The following CHRM3 variants were observed in gnomAD, a reference collection of about 807,000 sequenced individuals.
CHRM3 encodes cholinergic receptor muscarinic 3.
CHRM3 carries 11 observed loss-of-function variants against 41.8 expected under a neutral mutation model. That is an observed-to-expected ratio of 0.26 (90% confidence interval 0.17 to 0.44). The LOEUF (loss-of-function observed/expected upper bound fraction) is 0.44. Ranked by LOEUF, CHRM3 falls within the 20% of genes least tolerant of loss-of-function variation. The pLI is 1.00. For missense variants in CHRM3, 571 were observed against 745.4 expected, an observed-to-expected ratio of 0.77 and a Z score of 2.72; for synonymous variants, 297 against 301.4, an observed-to-expected ratio of 0.99 and a Z score of 0.15.
intron 6 of CHRM3, among the ~76,000 whole-genome samples, chr1:239,880,234 A>G (rs1677474831): frequency 6.6e-6 from 1 of 152,182 alleles, no homozygotes; most frequent in Admixed American, 6.5e-5. Flanking sequence ...TGTTTACAAA[A>G]TGGAATTATT....
At chr1:239,701,679 T>C (rs1247003075) in intron 5 of CHRM3, among the ~76,000 whole-genome samples, 1 of 152,196 alleles carries the variant, frequency 6.6e-6, no homozygotes, top group Non-Finnish European at 1.5e-5. Flanking sequence ...TCCTGATCTT[T>C]TAATAGACTC....
chr1:239,814,382 C>T (rs1215223988), intron 5 of CHRM3, among the ~76,000 whole-genome samples: 1 of 152,082 alleles, frequency 6.6e-6, no homozygotes, highest in African/African-American at 2.4e-5. Flanking sequence ...CTTAGTCACA[C>T]GTAAGAGAAA....
chr1:239,386,655 C>A lies in CHRM3; in HGVS notation c.-1093C>A. 1 of 153,872 alleles carries A rather than the reference C, an allele frequency of 6.5e-6. No homozygotes were observed. The allele number at this position is 153,872 out of a possible 1,614,324, so 9.5% of individuals were successfully genotyped here. A position where few individuals can be genotyped will look rare whatever the true frequency, so the allele number is the denominator to read the frequency against. On this transcript the variant is annotated 5_prime_UTR_variant, in exon 1 of 7. Transcript: ENST00000676153. ...AGGAGCGGCCAGCAGTAGCCACGAC[C>A]GCCACCACCAGGCAGAGGAAGAGTT...
intron 5 of CHRM3, among the ~76,000 whole-genome samples, chr1:239,802,592 T>G (rs1273404357): frequency 6.6e-6 from 1 of 152,054 alleles, no homozygotes; most frequent in African/African-American, 2.4e-5. Flanking sequence ...CAGGTGTAGT[T>G]ATTTAGTTTT....
At chr1:239,878,793 T>C (rs1181337177) in intron 6 of CHRM3, among the ~76,000 whole-genome samples, 2 of 152,034 alleles carry the variant, frequency 1.3e-5, no homozygotes, top group Non-Finnish European at 2.9e-5. Flanking sequence ...ATAGTTAAAA[T>C]ACAGGTCAGT....
intron 3 of CHRM3, among the ~76,000 whole-genome samples, chr1:239,602,532 A>G (rs1665731023): frequency 6.6e-6 from 1 of 152,184 alleles, no homozygotes; most frequent in Non-Finnish European, 1.5e-5. Flanking sequence ...GTAGGCACCT[A>G]ATACATGTTT....
chr1:239,400,315 T>C (rs944865176), intron 1 of CHRM3, among the ~76,000 whole-genome samples: 2 of 152,212 alleles, frequency 1.3e-5, no homozygotes, highest in South Asian at 2.1e-4. Flanking sequence ...TCTTTTTTGC[T>C]ATTGAGTTTT....
At chr1:239,742,241 C>G (rs1664922788) in intron 5 of CHRM3, among the ~76,000 whole-genome samples, 1 of 151,970 alleles carries the variant, frequency 6.6e-6, no homozygotes. Context: ...TTATCTATTA[C>G]TATAAAACAA....
chr1:239,641,742 A>G (rs1445762245), intron 4 of CHRM3, among the ~76,000 whole-genome samples: 6 of 137,772 alleles, frequency 4.4e-5, no homozygotes, highest in African/African-American at 1.7e-4. Context: ...GTGTCTTTTA[A>G]TTGGAGCATT....
At chr1:239,482,241 G>T (rs756345303) in intron 1 of CHRM3, among the ~76,000 whole-genome samples, 1 of 152,016 alleles carries the variant, frequency 6.6e-6, no homozygotes, top group Non-Finnish European at 1.5e-5. Context: ...CTTAGAACAA[G>T]CATTTTCACA....
chr1:239,623,337 C>A (rs939281820), intron 3 of CHRM3, among the ~76,000 whole-genome samples: 1 of 149,382 alleles, frequency 6.7e-6, no homozygotes, highest in African/African-American at 2.5e-5. Context: ...TGTTCAGTTC[C>A]CACCTATGAG....
intron 4 of CHRM3, among the ~76,000 whole-genome samples, chr1:239,670,616 C>T (rs1316311654): frequency 2.6e-5 from 4 of 152,022 alleles, no homozygotes; most frequent in Non-Finnish European, 5.9e-5. Context: ...ATTCAAGAGC[C>T]TCCCAGATTC....
chr1:239,860,282 T>C (rs926986743), intron 6 of CHRM3, among the ~76,000 whole-genome samples: 3 of 152,178 alleles, frequency 2.0e-5, no homozygotes, highest in Non-Finnish European at 2.9e-5. Flanking sequence ...TAATAATCTT[T>C]ATGAAAATTC....
chr1:239,530,787 G>A (rs1308188200), intron 2 of CHRM3, among the ~76,000 whole-genome samples: 1 of 152,062 alleles, frequency 6.6e-6, no homozygotes, highest in Non-Finnish European at 1.5e-5. Flanking sequence ...GCAATTATCC[G>A]TGAAAAACAA....
At chr1:239,557,805 G>T (rs1275154209) in intron 3 of CHRM3, among the ~76,000 whole-genome samples, 1 of 152,218 alleles carries the variant, frequency 6.6e-6, no homozygotes, top group African/African-American at 2.4e-5. Flanking sequence ...TCCCTGCAAA[G>T]GACATGATTT....
intron 6 of CHRM3, among the ~76,000 whole-genome samples, chr1:239,891,609 T>G (rs181273064): frequency 5.3e-5 from 8 of 152,308 alleles, no homozygotes; most frequent in Admixed American, 2.6e-4. Context: ...TATTTAGGAA[T>G]GGAGAAATGT....
chr1:239,680,672 G>A lies in CHRM3; in HGVS notation c.-147+2384G>A, dbSNP rs555692945. Among the ~76,000 whole-genome samples the A allele has an allele frequency of 2.5e-4, 38 of 151,954 alleles. No homozygotes were observed. The South Asian group carries it at 7.3e-3, about 29-fold the overall frequency. On this transcript the variant is annotated intron_variant, in intron 5 of 6. Coordinates refer to ENST00000676153, the MANE Select transcript of CHRM3 (RefSeq NM_001375978.1). The stretch of plus-strand genomic sequence containing the variant: ...TCAGCCAACAAAATTTGATATGGGT[G>A]AATTTTTAGGCAGAATAACAGAATT...
At chr1:239,791,006 A>C (rs1669301335) in intron 5 of CHRM3, among the ~76,000 whole-genome samples, 1 of 151,590 alleles carries the variant, frequency 6.6e-6, no homozygotes, top group African/African-American at 2.4e-5. Flanking sequence ...CTGGTAAAAT[A>C]TCACCAAAAA....
chr1:239,829,823 G>A (rs1288243950), intron 6 of CHRM3, among the ~76,000 whole-genome samples: 1 of 152,104 alleles, frequency 6.6e-6, no homozygotes, highest in Non-Finnish European at 1.5e-5. Context: ...TTCCCTCAGA[G>A]CCTCAGAATT....
Sources: allele counts gnomAD v4.1 joint callset (sites outside exome capture counted in the v4.1 genomes callset), GRCh38; gene constraint gnomAD v4.1.1; transcripts MANE v1.5; gene names NCBI Gene and HGNC (gene_info 2026-07-23, HGNC 2026-07-21).